Variants in MAMDC2 observed in about 807,000 individuals in gnomAD.
MAMDC2 encodes MAM domain containing 2.
A neutral mutation model predicts 89.8 loss-of-function variants in MAMDC2; 57 were observed. The ratio of observed to expected loss-of-function variants is 0.63; its 90% CI spans 0.51 to 0.79. MAMDC2 has a LOEUF of 0.79. Ranked by LOEUF, MAMDC2 falls within the 30% of genes least tolerant of loss-of-function variation. MAMDC2 has a pLI of 0.00. For missense variants in MAMDC2, 800 were observed against 820.6 expected (o/e 0.97, Z 0.31); for synonymous variants, 313 against 293.4 (o/e 1.07, Z -0.68).
At chr9:70,135,319 A>T (rs2030962242) in intron 7 of MAMDC2, among the ~76,000 whole-genome samples, 1 of 152,082 alleles carries the variant, frequency 6.6e-6, no homozygotes, top group South Asian at 2.1e-4. Flanking sequence ...TCTGCCCTTT[A>T]CTAACACCTC....
intron 2 of MAMDC2, among the ~76,000 whole-genome samples, chr9:70,066,231 C>A (rs1018248043): frequency 6.6e-6 from 1 of 152,106 alleles, no homozygotes; most frequent in Non-Finnish European, 1.5e-5. Flanking sequence ...CCAAGTGCTC[C>A]AGGCAGAGGG....
chr9:70,114,240 T>A (rs1390261603), intron 5 of MAMDC2, among the ~76,000 whole-genome samples: 1 of 147,744 alleles, frequency 6.8e-6, no homozygotes, highest in Non-Finnish European at 1.5e-5. Flanking sequence ...GCAGACAGTA[T>A]AAGCAAATGA....
chr9:70,117,945 T>C (rs985583700), intron 5 of MAMDC2, among the ~76,000 whole-genome samples: 1 of 152,150 alleles, frequency 6.6e-6, no homozygotes, highest in Admixed American at 6.5e-5. Flanking sequence ...AAATAAATGA[T>C]ATGAAACCAC....
intron 7 of MAMDC2, among the ~76,000 whole-genome samples, chr9:70,133,444 C>T (rs1405421129): frequency 6.6e-6 from 1 of 152,230 alleles, no homozygotes; most frequent in Non-Finnish European, 1.5e-5. Context: ...CCTCAGTCTG[C>T]AAAGCACAGA....
At chr9:70,199,189 C>T (rs1485646223) in intron 11 of MAMDC2, among the ~76,000 whole-genome samples, 2 of 34,836 alleles carry the variant, frequency 5.7e-5, no homozygotes, top group South Asian at 2.2e-3. Flanking sequence ...GTATATCTCC[C>T]AATGCTATCC....
intron 11 of MAMDC2, among the ~76,000 whole-genome samples, chr9:70,215,301 G>A (rs2033424709): frequency 6.6e-6 from 1 of 152,168 alleles, no homozygotes; most frequent in African/African-American, 2.4e-5. Flanking sequence ...GACCACTCGA[G>A]TTCGTAATGA....
At chr9:70,129,473 T>C (rs1381132162) in intron 6 of MAMDC2, among the ~76,000 whole-genome samples, 1 of 152,090 alleles carries the variant, frequency 6.6e-6, no homozygotes, top group Non-Finnish European at 1.5e-5. Context: ...AACAGACTAA[T>C]ACAGTGATAT....
rs140386756 is a variant in MAMDC2, at chr9:70,211,020, C to T, written c.1652-7317C>T. ...ATCAGCTATTAGTTTGATGGGCTTC[C>T]CTTTATGGGTAACCTGACCTTTCTG... On this transcript the variant is annotated intron_variant, in intron 11 of 13. Coordinates refer to ENST00000377182, the MANE Select transcript of MAMDC2 (RefSeq NM_153267.5). Among the ~76,000 whole-genome samples the T allele has an allele frequency of 3.8e-3, 572 of 152,306 alleles. 2 individuals are homozygous for T. Among genetic ancestry groups the T allele is most frequent in the African/African-American group, 0.013 (547 of 41,552 alleles).
chr9:70,149,620 C>T (rs2031519680), intron 9 of MAMDC2, among the ~76,000 whole-genome samples: 2 of 152,230 alleles, frequency 1.3e-5, no homozygotes, highest in South Asian at 2.1e-4. Context: ...ACTGGCTACA[C>T]TTTCAGCAAC....
Position 70,044,597 on chromosome 9 carries a change from C to G in MAMDC2, c.48C>G (p.Ala16=). Reference sequence around the variant, plus strand: ...TTGTGCCCGCAGCCCTGCAGCTCGCCGGTGCCCTCGACCTGCCCGCTGGGT... The same window carrying G: ...TTGTGCCCGCAGCCCTGCAGCTCGCGGGTGCCCTCGACCTGCCCGCTGGGT... ...VLLALQALQL[A]GALDLPAGSC... Residue 16 remains alanine (A), a synonymous_variant, in exon 2 of 14, where the codon GCC becomes GCG. Coordinates refer to ENST00000377182, the MANE Select transcript of MAMDC2 (RefSeq NM_153267.5). 3 of 1,550,248 alleles carry G rather than the reference C, an allele frequency of 1.9e-6. No individual in the cohort carries two copies. Among genetic ancestry groups the G allele is most frequent in the Non-Finnish European group, 2.6e-6 (3 of 1,146,874 alleles).
chr9:70,213,891 A>G (rs1346667794), intron 11 of MAMDC2, among the ~76,000 whole-genome samples: 3 of 152,228 alleles, frequency 2.0e-5, no homozygotes, highest in Admixed American at 2.0e-4. Context: ...AGTCAAGTGC[A>G]TATCTCACCG....
chr9:70,118,546 T>C (rs1587487298), intron 5 of MAMDC2, among the ~76,000 whole-genome samples: 1 of 152,230 alleles, frequency 6.6e-6, no homozygotes, highest in Admixed American at 6.5e-5. Context: ...CCCTCTCTTA[T>C]CATATTTGCT....
chr9:70,061,501 T>A (rs185212008), intron 2 of MAMDC2, among the ~76,000 whole-genome samples: 3 of 152,298 alleles, frequency 2.0e-5, no homozygotes, highest in Non-Finnish European at 2.9e-5. Context: ...GGCATCCATA[T>A]CTCTTCCTTC....
chr9:70,089,993 A>C lies in MAMDC2; in HGVS notation c.149-18218A>C, dbSNP rs578132004. Among the ~76,000 whole-genome samples the C allele has an allele frequency of 2.6e-5, 4 of 152,308 alleles. No homozygotes were observed. The East Asian group carries it at 7.7e-4, about 29-fold the overall frequency. ...TGCATTGAAATGATTATGAATCAAA[A>C]AACGAATGAACTAGGGGAACATGAC... On this transcript the variant is annotated intron_variant, in intron 2 of 13. Coordinates refer to ENST00000377182, the MANE Select transcript of MAMDC2 (RefSeq NM_153267.5).
chr9:70,106,912 T>C (rs1418355441), intron 2 of MAMDC2, among the ~76,000 whole-genome samples: 11 of 152,222 alleles, frequency 7.2e-5, no homozygotes, highest in Non-Finnish European at 1.5e-5. Flanking sequence ...GCCACGGATA[T>C]AAGGATCCAG....
intron 2 of MAMDC2, among the ~76,000 whole-genome samples, chr9:70,059,153 G>A (rs945207055): frequency 3.3e-5 from 5 of 152,164 alleles, no homozygotes; most frequent in Non-Finnish European, 4.4e-5. Context: ...AACGGGTAGC[G>A]AGGTGAAGCA....
At chr9:70,132,511 G>A (rs555599048) in intron 7 of MAMDC2, among the ~76,000 whole-genome samples, 1 of 146,438 alleles carries the variant, frequency 6.8e-6, no homozygotes, top group African/African-American at 2.5e-5. Flanking sequence ...GATACATTCT[G>A]CAAATCGGGG....
intron 2 of MAMDC2, among the ~76,000 whole-genome samples, chr9:70,054,579 AT>A (rs893754532): frequency 1.4e-4 from 21 of 148,044 alleles, no homozygotes; most frequent in South Asian, 2.2e-4. Context: ...TGAAAGTTTT[AT>A]TTTTTTTTTC....
At chr9:70,072,993 A>G (rs1383422643) in intron 2 of MAMDC2, among the ~76,000 whole-genome samples, 2 of 152,090 alleles carry the variant, frequency 1.3e-5, no homozygotes, top group Non-Finnish European at 2.9e-5. Flanking sequence ...GTGCCACCAC[A>G]CCAGCTAATT....
Sources: allele counts gnomAD v4.1 joint callset (sites outside exome capture counted in the v4.1 genomes callset), GRCh38; gene constraint gnomAD v4.1.1; transcripts MANE v1.5; gene names NCBI Gene and HGNC (gene_info 2026-07-23, HGNC 2026-07-21).